Variants in EPHA5 observed in about 807,000 individuals in gnomAD.
The protein encoded by EPHA5 is EPH receptor A5.
Under a neutral mutation model 105.0 loss-of-function variants are expected in EPHA5, and 60 were observed. The observed-to-expected ratio is 0.57, with a 90% CI of 0.46 to 0.71. The LOEUF (loss-of-function observed/expected upper bound fraction) is 0.71. EPHA5 is among the 30% of genes least tolerant of loss of function. The pLI is 0.00. For synonymous variants in EPHA5, 513 were observed against 449.1 expected (o/e 1.14, Z -1.80); for missense variants, 1,218 against 1,274.7 (o/e 0.96, Z 0.68).
At chr4:65,448,937 G>A (rs1027598736) in intron 5 of EPHA5, among the ~76,000 whole-genome samples, 7 of 151,982 alleles carry the variant, frequency 4.6e-5, no homozygotes, top group African/African-American at 1.7e-4. Context: ...TTTTAGATGG[G>A]AATATATGAC....
rs141395973 is a variant in EPHA5 at position 65,578,405 on chromosome 4, T to C, written c.910+23236A>G. On this transcript the variant is annotated intron_variant, in intron 3 of 16. Coordinates refer to ENST00000613740, the MANE Select transcript of EPHA5 (RefSeq NM_001281766.3). The stretch of plus-strand genomic sequence containing the variant: ...ACACTGTGGGTGGAGGAAAAGGATA[T>C]AGGACAGGCACTCTCAGGGAGCCAG... 6.9e-3 allele frequency among the ~76,000 whole-genome samples: 1,047 copies of C among 152,256 alleles called. 26 individuals carry two copies. The highest frequency in any genetic ancestry group is 4.7e-3 in the Non-Finnish European group (321 of 68,022).
At chr4:65,612,059 A>G (rs2149460271) in intron 2 of EPHA5, among the ~76,000 whole-genome samples, 1 of 151,196 alleles carries the variant, frequency 6.6e-6, no homozygotes, top group East Asian at 1.9e-4. Flanking sequence ...AGAAAAGAAA[A>G]GAAAAGAAAA....
At chr4:65,442,240 T>C (rs954910030) in intron 5 of EPHA5, among the ~76,000 whole-genome samples, 2 of 151,938 alleles carry the variant, frequency 1.3e-5, no homozygotes, top group Admixed American at 6.6e-5. Context: ...GTCATTAGGG[T>C]GGGGCCTCCA....
intron 3 of EPHA5, among the ~76,000 whole-genome samples, chr4:65,521,072 A>C (rs1198824005): frequency 6.6e-6 from 1 of 152,176 alleles, no homozygotes; most frequent in Admixed American, 6.5e-5. Flanking sequence ...AGACACATGC[A>C]CATGTATGTT....
At chr4:65,533,996 GAGAA>G (rs1440605991) in intron 3 of EPHA5, among the ~76,000 whole-genome samples, 4 of 151,874 alleles carry the variant, frequency 2.6e-5, no homozygotes, top group African/African-American at 9.7e-5. Flanking sequence ...GGGTTTAGCT[GAGAA>G]AGAATGAATG....
chr4:65,331,267 A>C, intron 16 of EPHA5: 2 of 1,030,302 alleles, frequency 1.9e-6, no homozygotes, highest in Non-Finnish European at 2.3e-6. Flanking sequence ...AGGCTAAAAC[A>C]ACCACATGTA....
Position 65,404,466 on chromosome 4 carries a change from G to A in EPHA5, c.1701C>T (p.Ser567=), listed in dbSNP as rs2148991426. 2 of 1,613,628 alleles carry A rather than the reference G, an allele frequency of 1.2e-6. No homozygotes were observed. The highest frequency in any genetic ancestry group is 8.5e-7 in the Non-Finnish European group (1 of 1,179,724). ...FETTPVSVAA[S]SDQSQIPVIA... is the part of the protein sequence containing the mutation. ...TTACAGGAATCTGGCTTTGATCGCT[G>A]GATGCTGCAACTGCTGATAGGAGAT... Residue 567 remains serine, a synonymous_variant, in exon 8 of 17, where the codon TCC becomes TCT. Transcript: ENST00000613740.
At position 65,601,871 on chromosome 4, in the gene EPHA5, C is replaced by A. The variant is rs772693559; in HGVS notation, c.680G>T (p.Arg227Leu). The A allele has an allele frequency of 6.2e-7, 1 of 1,614,104 alleles. No individual in the cohort carries two copies. The highest frequency in any genetic ancestry group is 2.2e-5 in the East Asian group (1 of 44,868). The change falls in exon 3 of 17, where the codon CGT becomes CTT. Residue 227 changes from arginine to leucine, a missense_variant. Around this residue, in one of 3 missense-constraint regions of EPHA5, gnomAD observed 971 missense variants for 1,013.5 expected, o/e 0.96. Coordinates refer to ENST00000613740, the MANE Select transcript of EPHA5 (RefSeq NM_001281766.3). ...VGACIALVSV[R>L]VYYKKCPSVV... ...AGAAGGGCATTTTTTATAGTATACACGCACAGAAACCAGAGCAATGCAAGC... is the reference window on the plus strand; with the variant it reads ...AGAAGGGCATTTTTTATAGTATACAAGCACAGAAACCAGAGCAATGCAAGC...
intron 8 of EPHA5, among the ~76,000 whole-genome samples, chr4:65,401,688 A>G (rs1480670435): frequency 2.0e-5 from 3 of 152,154 alleles, no homozygotes; most frequent in Admixed American, 6.6e-5. Context: ...TGAACAATGT[A>G]CTAATTGCTA....
intron 5 of EPHA5, among the ~76,000 whole-genome samples, chr4:65,475,356 T>A (rs1268679638): frequency 6.6e-6 from 1 of 152,174 alleles, no homozygotes; most frequent in Non-Finnish European, 1.5e-5. Context: ...ATGAACAAGT[T>A]ATTTCAACAT....
chr4:65,583,643 A>G (rs1450456374), intron 3 of EPHA5, among the ~76,000 whole-genome samples: 1 of 151,830 alleles, frequency 6.6e-6, no homozygotes, highest in African/African-American at 2.4e-5. Context: ...CTTGTACTCC[A>G]GGAAGATATT....
intron 5 of EPHA5, among the ~76,000 whole-genome samples, chr4:65,443,245 T>C (rs1018477111): frequency 6.6e-6 from 1 of 152,150 alleles, no homozygotes; most frequent in Middle Eastern, 3.4e-3. Context: ...TGTATCCATA[T>C]ATAACTTTTC....
intron 2 of EPHA5, among the ~76,000 whole-genome samples, chr4:65,619,605 CT>C (rs1157978820): frequency 1.3e-5 from 2 of 152,094 alleles, no homozygotes; most frequent in South Asian, 2.1e-4. Context: ...GACTGGTGTA[CT>C]TTTTTTCTCT....
At chr4:65,557,731 C>A (rs923267344) in intron 3 of EPHA5, among the ~76,000 whole-genome samples, 1 of 152,048 alleles carries the variant, frequency 6.6e-6, no homozygotes, top group Non-Finnish European at 1.5e-5. Flanking sequence ...ATTCTGGCAA[C>A]CATCTGAGGC....
At chr4:65,435,311 A>G (rs2149072842) in intron 5 of EPHA5, among the ~76,000 whole-genome samples, 1 of 152,230 alleles carries the variant, frequency 6.6e-6, no homozygotes, top group South Asian at 2.1e-4. Context: ...ATTTTCATTG[A>G]TGAGTCCATA....
At chr4:65,420,049 A>G (rs1457137311) in intron 6 of EPHA5, among the ~76,000 whole-genome samples, 1 of 152,092 alleles carries the variant, frequency 6.6e-6, no homozygotes, top group Non-Finnish European at 1.5e-5. Flanking sequence ...CTTTTTTCTT[A>G]TCTCCTTAAC....
intron 3 of EPHA5, among the ~76,000 whole-genome samples, chr4:65,502,781 A>C (rs1180267827): frequency 6.6e-6 from 1 of 151,944 alleles, no homozygotes; most frequent in Non-Finnish European, 1.5e-5. Context: ...TCTGACAAAA[A>C]GATATATGTG....
chr4:65,389,737 G>A (rs913517616), intron 8 of EPHA5, among the ~76,000 whole-genome samples: 3 of 151,994 alleles, frequency 2.0e-5, no homozygotes, highest in Non-Finnish European at 4.4e-5. Flanking sequence ...CAGAGGCATT[G>A]AGAACTATTG....
At chr4:65,349,515 G>C (rs894552755) in intron 13 of EPHA5, among the ~76,000 whole-genome samples, 33 of 152,072 alleles carry the variant, frequency 2.2e-4, no homozygotes, top group African/African-American at 7.5e-4. Flanking sequence ...ATATTTTCTT[G>C]TAAAAAGACT....
Sources: allele counts gnomAD v4.1 joint callset (sites outside exome capture counted in the v4.1 genomes callset), GRCh38; gene constraint gnomAD v4.1.1; regional missense constraint gnomAD v4.1.1; transcripts MANE v1.5; gene names NCBI Gene and HGNC (gene_info 2026-07-23, HGNC 2026-07-21).